Variants in SLC25A21 observed in about 807,000 individuals in gnomAD.
The protein encoded by SLC25A21 is solute carrier family 25 member 21, also known as mitochondrial 2-oxodicarboxylate carrier.
SLC25A21 carries 47 observed loss-of-function variants against 43.8 expected under a neutral mutation model. The observed-to-expected ratio is 1.07, with a 90% confidence interval of 0.85 to 1.37. SLC25A21 has a LOEUF of 1.37. Ranked by LOEUF, SLC25A21 falls within the 40% of genes most tolerant of loss-of-function variation. The pLI is 0.00. For synonymous variants in SLC25A21, 131 were observed against 121.3 expected (o/e 1.08, Z -0.52); for missense variants, 352 against 350.2 (o/e 1.00, Z -0.04).
chr14:37,073,310 A>G (rs1847074322), intron 1 of SLC25A21, among the ~76,000 whole-genome samples: 1 of 152,098 alleles, frequency 6.6e-6, no homozygotes, highest in Admixed American at 6.5e-5. Flanking sequence ...TTTCCAATCC[A>G]CTATATAAGT....
chr14:36,846,308 A>T (rs989266507), intron 2 of SLC25A21, among the ~76,000 whole-genome samples: 1 of 152,230 alleles, frequency 6.6e-6, no homozygotes, highest in Non-Finnish European at 1.5e-5. Context: ...TCCCTGATCC[A>T]TAAGAATCTA....
intron 1 of SLC25A21, among the ~76,000 whole-genome samples, chr14:37,138,537 T>G (rs1963520417): frequency 6.6e-6 from 1 of 152,140 alleles, no homozygotes; most frequent in Non-Finnish European, 1.5e-5. Flanking sequence ...GAAATGACAG[T>G]CTGTTAATAT....
chr14:36,942,997 C>A (rs2138651727), intron 1 of SLC25A21, among the ~76,000 whole-genome samples: 1 of 152,274 alleles, frequency 6.6e-6, no homozygotes, highest in Middle Eastern at 3.4e-3. Context: ...CAGTAGAGAG[C>A]TGCTTCTGCC....
chr14:36,880,128 G>A (rs976921461), intron 1 of SLC25A21, among the ~76,000 whole-genome samples: 1 of 152,216 alleles, frequency 6.6e-6, no homozygotes, highest in Admixed American at 6.5e-5. Context: ...ATCACAATGT[G>A]ACTAAGTTCT....
intron 3 of SLC25A21, among the ~76,000 whole-genome samples, chr14:36,778,271 G>A (rs8022501): frequency 0.47 from 71,089 of 152,048 alleles, 17,739 homozygotes; most frequent in East Asian, 0.69. Flanking sequence ...TCATGCAGTC[G>A]GAAGGGGATG....
At chr14:36,683,693 A>G (rs1401347555) in intron 9 of SLC25A21, 135 bp downstream of exon 9, 8 of 574,118 alleles carry the variant, frequency 1.4e-5, no homozygotes, top group Non-Finnish European at 3.0e-6. Flanking sequence ...AAATACTCAT[A>G]GACAACTTTA....
intron 3 of SLC25A21, among the ~76,000 whole-genome samples, chr14:36,762,419 C>A (rs1886194022): frequency 6.6e-6 from 1 of 152,200 alleles, no homozygotes; most frequent in African/African-American, 2.4e-5. Context: ...CCTTTCCTGG[C>A]CCAGGCCCCT....
At chr14:37,146,111 T>C (rs541853626) in intron 1 of SLC25A21, among the ~76,000 whole-genome samples, 11 of 152,312 alleles carry the variant, frequency 7.2e-5, no homozygotes, top group Non-Finnish European at 1.2e-4. Context: ...GATGAAAAGT[T>C]TTGAAGTTTT....
intron 1 of SLC25A21, among the ~76,000 whole-genome samples, chr14:37,070,298 G>GT (rs1962144297): frequency 6.6e-6 from 1 of 152,040 alleles, no homozygotes; most frequent in African/African-American, 2.4e-5. Flanking sequence ...TCCTCAATCT[G>GT]TTATCCATGA....
chr14:36,998,708 A>T (rs980234941), intron 1 of SLC25A21, among the ~76,000 whole-genome samples: 2 of 125,032 alleles, frequency 1.6e-5, no homozygotes, highest in African/African-American at 6.3e-5. Context: ...TCAACAATTA[A>T]AAAAAAAAAA....
At chr14:36,810,508 T>C (rs1439824960) in intron 3 of SLC25A21, among the ~76,000 whole-genome samples, 5 of 152,188 alleles carry the variant, frequency 3.3e-5, no homozygotes, top group African/African-American at 1.2e-4. Flanking sequence ...ATTATCAACG[T>C]AGGGCATTTA....
intron 1 of SLC25A21, among the ~76,000 whole-genome samples, chr14:37,031,816 C>T (rs1961217052): frequency 6.6e-6 from 1 of 152,224 alleles, no homozygotes; most frequent in South Asian, 2.1e-4. Flanking sequence ...AAAGGACTCA[C>T]CCAAGGTCAC....
intron 1 of SLC25A21, among the ~76,000 whole-genome samples, chr14:36,909,340 A>AC (rs1891621877): frequency 7.1e-6 from 1 of 141,334 alleles, no homozygotes; most frequent in African/African-American, 2.9e-5. Context: ...AGAAGATAAG[A>AC]TGCAAAGGAC....
chr14:36,888,484 C>G (rs886937407), intron 1 of SLC25A21, among the ~76,000 whole-genome samples: 5 of 151,766 alleles, frequency 3.3e-5, no homozygotes, highest in African/African-American at 1.2e-4. Context: ...GCAATGAGAG[C>G]AAATTATACA....
chr14:36,804,697 A>C (rs1280168447), intron 3 of SLC25A21, among the ~76,000 whole-genome samples: 1 of 152,348 alleles, frequency 6.6e-6, no homozygotes, highest in East Asian at 1.9e-4. Flanking sequence ...AAACCAGCCC[A>C]AAAATTCATG....
At chr14:36,726,149 A>G (rs1006680160) in intron 5 of SLC25A21, among the ~76,000 whole-genome samples, 1 of 152,386 alleles carries the variant, frequency 6.6e-6, no homozygotes, top group Admixed American at 6.5e-5. Context: ...ACATAGCTGG[A>G]AACATTTAAC....
At chr14:36,928,942 T>C (rs966351382) in intron 1 of SLC25A21, among the ~76,000 whole-genome samples, 1 of 152,164 alleles carries the variant, frequency 6.6e-6, no homozygotes, top group African/African-American at 2.4e-5. Context: ...AGGCTTGCTA[T>C]AAAAAACTAC....
chr14:36,725,059 G>C (rs1211877889), intron 6 of SLC25A21: 2 of 152,234 alleles, frequency 1.3e-5, no homozygotes, highest in African/African-American at 4.8e-5. Flanking sequence ...GTGCATTTTT[G>C]TTAACACTTT....
At chr14:36,830,906 T>C (rs1356164484) in intron 2 of SLC25A21, among the ~76,000 whole-genome samples, 5 of 152,110 alleles carry the variant, frequency 3.3e-5, no homozygotes, top group Non-Finnish European at 7.3e-5. Context: ...TTCCCCTCTC[T>C]CTCAGCTCCC....
Sources: allele counts gnomAD v4.1 joint callset (sites outside exome capture counted in the v4.1 genomes callset), GRCh38; gene constraint gnomAD v4.1.1; transcripts MANE v1.5; gene names NCBI Gene and HGNC (gene_info 2026-07-23, HGNC 2026-07-21).